IL17RC: variants seen among roughly 807,000 people sequenced by gnomAD.
IL17RC encodes the protein interleukin 17 receptor C.
IL17RC carries 53 observed loss-of-function variants against 86.7 expected under a neutral mutation model. The observed-to-expected ratio is 0.61, with a 90% CI of 0.49 to 0.77. The LOEUF (loss-of-function observed/expected upper bound fraction) is 0.77. Ranked by LOEUF, IL17RC falls within the 30% of genes least tolerant of loss-of-function variation. The pLI is 0.00. For missense variants in IL17RC, 957 were observed against 940.0 expected (o/e 1.02, Z -0.24); for synonymous variants, 439 against 413.1 (o/e 1.06, Z -0.76).
chr3:9,933,276 G>T lies in IL17RC; in HGVS notation c.1846G>T (p.Val616Leu). The T allele has an allele frequency of 3.1e-6, 5 of 1,604,524 alleles. No individual in the cohort carries two copies. The highest frequency in any genetic ancestry group is 4.3e-6 in the Non-Finnish European group (5 of 1,175,890). The change falls in exon 19 of 19, where the codon GTG becomes TTG. Residue 616 changes from valine (V) to leucine (L), a missense_variant. Physicochemically the swap from Val to Leu is conservative, Grantham distance 32. Transcript: ENST00000403601. ...HDAFRASLSC[V>L]LPDFLQGRAP... ...CGCCTTCCGCGCCTCGCTCAGCTGC[G>T]TGCTGCCCGACTTCTTGCAGGGCCG... is the stretch of plus-strand genomic sequence containing the variant.
rs1396254364 is a variant in IL17RC, at chr3:9,918,333, A to G, written c.281-2A>G. ...CAGGGCCTTGCTCTTGGGTCCTTCT[A>G]GGGCACTGGGAAGAGCCTGAAGATG... On this transcript the variant is annotated splice_acceptor_variant, in intron 3 of 18. Coordinates refer to ENST00000403601, the MANE Select transcript of IL17RC (RefSeq NM_153460.4). LOFTEE classifies it high-confidence loss of function. 4.4e-6 allele frequency: 7 copies of G among 1,583,890 alleles called. No homozygotes were observed. Among genetic ancestry groups the G allele is most frequent in the Non-Finnish European group, 6.0e-6 (7 of 1,165,420 alleles).
Position 9,918,300 on chromosome 3 carries a change from G to T in IL17RC, c.281-35G>T, listed in dbSNP as rs888672905. 5 of 1,531,580 alleles carry T rather than the reference G, an allele frequency of 3.3e-6. No homozygotes were observed. The African/African-American group carries it at 4.1e-5, about 13-fold the overall frequency. 94.9% of individuals were successfully genotyped at this position (1,531,580 alleles called of 1,614,324 possible). A position where few individuals can be genotyped will look rare whatever the true frequency, so the allele number is the denominator to read the frequency against. On this transcript the variant is annotated intron_variant, in intron 3 of 18. Coordinates refer to ENST00000403601, the MANE Select transcript of IL17RC (RefSeq NM_153460.4). ...AAAGCCAGCCAGCCCAGAGCAGGGG[G>T]CCTCACCCAGGGCCTTGCTCTTGGG...
intron 16 of IL17RC, 43 bp from the exon 17 acceptor site, chr3:9,932,565 T>G: frequency 6.4e-7 from 1 of 1,553,112 alleles, no homozygotes; most frequent in South Asian, 1.1e-5. Context: ...TTTTCTTCTC[T>G]GTGGAGGGTA....
In IL17RC at chr3:9,921,003, A is replaced by AG. The variant is rs750030069; in HGVS notation, c.622+38dup. 9 of 1,340,760 alleles carry AG rather than the reference A, an allele frequency of 6.7e-6. No homozygotes were observed. The South Asian group carries it at 1.2e-4, about 18-fold the overall frequency. 83.1% of individuals were successfully genotyped at this position (1,340,760 alleles called of 1,614,324 possible). ...TAGGGCCAGTGGGCCGGGGGTAGGG[A>AG]GGGGCAGGGTCTGGAGTATAAGAAA... On this transcript the variant is annotated intron_variant, in intron 7 of 18. Transcript: ENST00000403601.
rs35608782 is a variant in IL17RC, at chr3:9,921,952, C to CTTTTT, written c.622+999_622+1003dup. 1.2e-4 allele frequency among the ~76,000 whole-genome samples: 11 copies of CTTTTT among 88,186 alleles called. No homozygotes were observed. The East Asian group carries it at 1.6e-3, about 13-fold the overall frequency. The allele number at this position is 88,186 out of a possible 152,430, so 57.9% of individuals were successfully genotyped here. A position where few individuals can be genotyped will look rare whatever the true frequency, so the allele number is the denominator to read the frequency against. Reference sequence around the variant, plus strand: ...AGGGTACTGATTTCCATGTCCAGTTCTTTTTTTTTTTTTTTTTTTTGGCGG... The same window carrying CTTTTT: ...AGGGTACTGATTTCCATGTCCAGTTCTTTTTTTTTTTTTTTTTTTTTTTTTGGCGG... On this transcript the variant is annotated intron_variant, in intron 7 of 18. Transcript: ENST00000403601.
At position 9,932,833 on chromosome 3, in the gene IL17RC, C is replaced by T; in HGVS notation, c.1497C>T (p.Leu499=). 1.9e-6 allele frequency: 3 copies of T among 1,562,106 alleles called. No individual in the cohort carries two copies. The highest frequency in any genetic ancestry group is 2.6e-6 in the Non-Finnish European group (3 of 1,158,700). The change falls in exon 18 of 19, where the codon CTC becomes CTT. Residue 499 remains leucine, a synonymous_variant. Coordinates refer to ENST00000403601, the MANE Select transcript of IL17RC (RefSeq NM_153460.4). ...CTCCCCTAACAGGGTGGCTGAGGCT[C>T]TTGAAACAGGACGTCCGCTCGGGGG... ...KKDHAKGWLR[L]LKQDVRSGAA...
At chr3:9,918,919 GC>G (rs1156975433) in intron 5 of IL17RC, 66 of 306,380 alleles carry the variant, frequency 2.2e-4, no homozygotes, top group Non-Finnish European at 3.9e-4. Flanking sequence ...AAATCACCAA[GC>G]GTTTTTCAGG....
At position 9,924,267 on chromosome 3, in the gene IL17RC, C is replaced by G. The variant is rs1375880091; in HGVS notation, c.798C>G (p.Asp266Glu). 2 of 1,613,990 alleles carry G rather than the reference C, an allele frequency of 1.2e-6. No individual in the cohort carries two copies. The highest frequency in any genetic ancestry group is 1.3e-5 in the African/African-American group (1 of 74,920). Residue 266 changes from aspartate (D) to glutamate (E), a missense_variant, in exon 9 of 19, where the codon GAC becomes GAG. Coordinates refer to ENST00000403601, the MANE Select transcript of IL17RC (RefSeq NM_153460.4). Reference protein sequence around the residue: ...GPQIITLNHTDLVPCLCIQVW... With the variant: ...GPQIITLNHTELVPCLCIQVW... Reference sequence around the variant, plus strand: ...AGATCATTACCTTGAACCACACAGACCTGGTTCCCTGCCTCTGTATTCAGG... The same window carrying G: ...AGATCATTACCTTGAACCACACAGAGCTGGTTCCCTGCCTCTGTATTCAGG...
At chr3:9,931,453 TCACA>T (rs201407577) in intron 16 of IL17RC, among the ~76,000 whole-genome samples, 496 of 44,710 alleles carry the variant, frequency 0.011, 8 homozygotes, top group South Asian at 0.074. Flanking sequence ...TTTATATATT[TCACA>T]CACACACACA....
chr3:9,933,210 C>G lies in IL17RC; in HGVS notation c.1780C>G (p.Gln594Glu). Residue 594 changes from glutamine to glutamate, a missense_variant, in exon 19 of 19, where the codon CAG becomes GAG. Gln to Glu is a conservative substitution (Grantham distance 29). Coordinates refer to ENST00000403601, the MANE Select transcript of IL17RC (RefSeq NM_153460.4). ...GAVALCSEWL[Q>E]DGVSGPGAHG... ...GGTGGCGCTGTGCAGCGAGTGGCTA[C>G]AGGATGGGGTGTCCGGGCCCGGGGC... is the stretch of plus-strand genomic sequence containing the variant. 1 of 1,607,878 alleles carries G rather than the reference C, an allele frequency of 6.2e-7. No individual in the cohort carries two copies.
chr3:9,926,619 T>TG (rs566351852), intron 9 of IL17RC, among the ~76,000 whole-genome samples: 181 of 152,120 alleles, frequency 1.2e-3, no homozygotes, highest in Middle Eastern at 6.8e-3. Flanking sequence ...TTTTTGTTTT[T>TG]TTTTTGTTTT....
chr3:9,927,953 A>G (rs2084249718), intron 9 of IL17RC, among the ~76,000 whole-genome samples: 1 of 152,164 alleles, frequency 6.6e-6, no homozygotes, highest in South Asian at 2.1e-4. Flanking sequence ...TATCTCAAAA[A>G]AAAAAAAAAG....
chr3:9,922,077 C>G (rs1244992851), intron 7 of IL17RC, among the ~76,000 whole-genome samples: 1 of 151,592 alleles, frequency 6.6e-6, no homozygotes. Context: ...CTCAGCCTCC[C>G]AAGCAGCTGG....
chr3:9,922,483 C>T (rs1422552549), intron 7 of IL17RC, among the ~76,000 whole-genome samples: 1 of 152,176 alleles, frequency 6.6e-6, no homozygotes, highest in Non-Finnish European at 1.5e-5. Flanking sequence ...TTCATTTCTT[C>T]CTTCATTAAG....
chr3:9,927,711 C>T (rs531485857), intron 9 of IL17RC, among the ~76,000 whole-genome samples: 18 of 151,990 alleles, frequency 1.2e-4, no homozygotes, highest in African/African-American at 2.7e-4. Context: ...GAGGCTGAGA[C>T]GGGTGGATCA....
At chr3:9,927,728 G>T (rs1257778243) in intron 9 of IL17RC, among the ~76,000 whole-genome samples, 1 of 152,084 alleles carries the variant, frequency 6.6e-6, no homozygotes, top group Non-Finnish European at 1.5e-5. Flanking sequence ...ATCACTTGAG[G>T]TCAGGAGTTC....
At chr3:9,929,047 G>A (rs563970415) in intron 12 of IL17RC, 72 of 167,912 alleles carry the variant, frequency 4.3e-4, no homozygotes, top group Admixed American at 1.2e-3. Context: ...AGGCGCGGTG[G>A]CTCACGCCTG....
At chr3:9,932,567 T>C in intron 16 of IL17RC, 41 bp from the exon 17 acceptor site, 1 of 1,557,172 alleles carries the variant, frequency 6.4e-7, no homozygotes, top group South Asian at 1.1e-5. Flanking sequence ...TTCTTCTCTG[T>C]GGAGGGTAAG....
Position 9,917,168 on chromosome 3 carries a change from C to T in IL17RC, c.-148C>T. On this transcript the variant is annotated 5_prime_UTR_variant, in exon 1 of 19. Coordinates refer to ENST00000403601, the MANE Select transcript of IL17RC (RefSeq NM_153460.4). ...CCCAGGACAGAGAGTGCACAAACTA[C>T]CCAGCACAGCCCCCTCCGCCCCCTC... 1 of 634,312 alleles carries T rather than the reference C, an allele frequency of 1.6e-6. No homozygotes were observed. The highest frequency in any genetic ancestry group is 2.7e-6 in the Non-Finnish European group (1 of 364,140). 39.3% of individuals were successfully genotyped at this position (634,312 alleles called of 1,614,324 possible). A position where few individuals can be genotyped will look rare whatever the true frequency, so the allele number is the denominator to read the frequency against.
Sources: gnomAD v4.1 joint callset for allele counts (sites outside exome capture counted in the v4.1 genomes callset) on GRCh38, gnomAD v4.1.1 for gene constraint, MANE v1.5 for transcripts, NCBI Gene and HGNC (gene_info 2026-07-23, HGNC 2026-07-21) for gene names.